PRKAR1B: variants seen among roughly 807,000 people sequenced by gnomAD.
PRKAR1B encodes the protein protein kinase cAMP-dependent type I regulatory subunit beta, also known as cAMP-dependent protein kinase type I-beta regulatory subunit.
Under a neutral mutation model 46.5 loss-of-function variants are expected in PRKAR1B, and 22 were observed. That is an observed-to-expected ratio of 0.47 (90% CI 0.34 to 0.68). The LOEUF (loss-of-function observed/expected upper bound fraction) is 0.68. Ranked by LOEUF, PRKAR1B falls within the 30% of genes least tolerant of loss-of-function variation. The pLI, the probability that PRKAR1B is intolerant of heterozygous loss-of-function variation, is 0.01. For synonymous variants in PRKAR1B, 259 were observed against 217.7 expected (o/e 1.19, Z -1.67); for missense variants, 445 against 535.6 (o/e 0.83, Z 1.67).
chr7:590,189 C>T (rs921417464), intron 7 of PRKAR1B, among the ~76,000 whole-genome samples: 4 of 152,252 alleles, frequency 2.6e-5, no homozygotes, highest in African/African-American at 9.6e-5. Context: ...GTGGCTCCCA[C>T]AGCCCTGAGC....
chr7:638,045 C>T (rs1425614345), intron 4 of PRKAR1B, among the ~76,000 whole-genome samples: 2 of 152,178 alleles, frequency 1.3e-5, no homozygotes, highest in African/African-American at 2.4e-5. Context: ...GCGGAGAAGA[C>T]GCGGGGCAGG....
intron 7 of PRKAR1B, among the ~76,000 whole-genome samples, chr7:590,298 G>C (rs1317578807): frequency 6.6e-6 from 1 of 152,256 alleles, no homozygotes; most frequent in African/African-American, 2.4e-5. Flanking sequence ...CCCAAGGCAC[G>C]CACCGGTGAG....
intron 2 of PRKAR1B, among the ~76,000 whole-genome samples, chr7:707,490 C>T (rs972958617): frequency 4.6e-5 from 7 of 152,152 alleles, no homozygotes; most frequent in Admixed American, 2.6e-4. Flanking sequence ...GCCCTGCCCA[C>T]GCCCAAGAAG....
chr7:696,211 T>C (rs1779730630), intron 2 of PRKAR1B, among the ~76,000 whole-genome samples: 1 of 151,960 alleles, frequency 6.6e-6, no homozygotes, highest in Admixed American at 6.6e-5. Context: ...GATCCTCCTG[T>C]CTTGACCTCC....
intron 4 of PRKAR1B, among the ~76,000 whole-genome samples, chr7:640,293 A>G (rs1184656718): frequency 6.6e-6 from 1 of 152,240 alleles, no homozygotes; most frequent in African/African-American, 2.4e-5. Flanking sequence ...TGTCTGGTAA[A>G]GGACTTGTAT....
chr7:647,491 T>C (rs982689811), intron 4 of PRKAR1B, among the ~76,000 whole-genome samples: 1 of 151,958 alleles, frequency 6.6e-6, no homozygotes, highest in Non-Finnish European at 1.5e-5. Context: ...ACCCATTTGC[T>C]ATCCAAAGAG....
Position 559,683 on chromosome 7 carries a change from G to A in PRKAR1B, c.892-8213C>T, listed in dbSNP as rs150169174. Among the ~76,000 whole-genome samples the A allele has an allele frequency of 2.4e-4, 37 of 152,304 alleles. No individual in the cohort carries two copies. In the East Asian group the frequency reaches 5.2e-3, roughly 21 times the overall value. On this transcript the variant is annotated intron_variant, in intron 9 of 10. Coordinates refer to ENST00000537384, the MANE Select transcript of PRKAR1B (RefSeq NM_001164760.2). ...TGTGCAGGCAGTGAGCCGGAGTCTC[G>A]AGGCTCGCTGTGGAGTCAGGGAGGC...
At chr7:615,964 GAAAC>G (rs1782795769) in intron 4 of PRKAR1B, among the ~76,000 whole-genome samples, 1 of 150,552 alleles carries the variant, frequency 6.6e-6, no homozygotes, top group Non-Finnish European at 1.5e-5. Context: ...AATAAAAAAA[GAAAC>G]AGAAAGAGAG....
chr7:711,467 C>G lies in PRKAR1B; in HGVS notation c.39G>C (p.Glu13Asp), dbSNP rs777626805. The G allele has an allele frequency of 2.5e-6, 4 of 1,614,034 alleles. No individual in the cohort carries two copies. Among genetic ancestry groups the G allele is most frequent in the East Asian group, 2.2e-5 (1 of 44,886 alleles). The change falls in exon 2 of 11, where the codon GAG becomes GAC. Residue 13 changes from glutamate to aspartate, a missense_variant. Around this residue, in one of 5 missense-constraint regions of PRKAR1B, gnomAD observed 155 missense variants for 127.5 expected, o/e 1.22. Coordinates refer to ENST00000537384, the MANE Select transcript of PRKAR1B (RefSeq NM_001164760.2). ...SPPACPSEED[E>D]SLKGCELYVQ... ...CGTACAGCTCACAGCCCTTCAGGCT[C>G]TCGTCCTCCTCCGAGGGGCAGGCGG...
intron 9 of PRKAR1B, chr7:564,991 C>T (rs1779043462): frequency 6.6e-6 from 1 of 152,218 alleles, no homozygotes; most frequent in South Asian, 2.1e-4. Flanking sequence ...TTCACATTCA[C>T]CTGCCTGGCG....
At chr7:589,567 C>T (rs1181080177) in intron 7 of PRKAR1B, among the ~76,000 whole-genome samples, 2 of 152,294 alleles carry the variant, frequency 1.3e-5, no homozygotes, top group African/African-American at 4.8e-5. Flanking sequence ...ATGGAAGAAA[C>T]AGAGGCTCAG....
chr7:674,681 C>T (rs961589989), intron 4 of PRKAR1B, among the ~76,000 whole-genome samples: 2 of 152,092 alleles, frequency 1.3e-5, no homozygotes, highest in African/African-American at 4.8e-5. Flanking sequence ...TCTAGCCACT[C>T]GTCATGCCCA....
intron 9 of PRKAR1B, among the ~76,000 whole-genome samples, chr7:576,804 G>A (rs1779860951): frequency 6.6e-6 from 1 of 152,108 alleles, no homozygotes; most frequent in Non-Finnish European, 1.5e-5. Context: ...GGCGGGAGAG[G>A]CCCTGAATGT....
At chr7:590,997 G>C (rs1780943078) in intron 7 of PRKAR1B, among the ~76,000 whole-genome samples, 1 of 152,200 alleles carries the variant, frequency 6.6e-6, no homozygotes, top group Admixed American at 6.5e-5. Context: ...ATTTCTGCCA[G>C]CCATAAAAAA....
intron 1 of PRKAR1B, among the ~76,000 whole-genome samples, chr7:724,009 A>G (rs1273460088): frequency 6.6e-6 from 1 of 152,192 alleles, no homozygotes; most frequent in Non-Finnish European, 1.5e-5. Flanking sequence ...CAGCAGTCAT[A>G]TTGGATGAGT....
At position 665,394 on chromosome 7, in the gene PRKAR1B, C is replaced by T. The variant is rs868561436; in HGVS notation, c.440+11835G>A. Among the ~76,000 whole-genome samples the T allele has an allele frequency of 2.6e-5, 4 of 152,272 alleles. No homozygotes were observed. The South Asian group carries it at 8.3e-4, about 32-fold the overall frequency. On this transcript the variant is annotated intron_variant, in intron 4 of 10. Coordinates refer to ENST00000537384, the MANE Select transcript of PRKAR1B (RefSeq NM_001164760.2). ...CCCTGCCAAACGGCAGCCTCGGGGG[C>T]CACGGGGGAGCTCTAGAAAGACAAC...
chr7:727,570 T>G, upstream of PRKAR1B: 1 of 219,568 alleles, frequency 4.6e-6, no homozygotes, highest in East Asian at 8.8e-5. Flanking sequence ...GCTGCTCCCT[T>G]GTCCTCTACC....
At chr7:695,900 G>A (rs1002236221) in intron 2 of PRKAR1B, among the ~76,000 whole-genome samples, 4 of 149,890 alleles carry the variant, frequency 2.7e-5, no homozygotes, top group African/African-American at 4.9e-5. Context: ...TCCTGACCTC[G>A]TTATTCACCC....
rs569460780 is a variant in PRKAR1B at position 703,580 on chromosome 7, C to T, written c.177+7749G>A. 2.0e-5 allele frequency among the ~76,000 whole-genome samples: 3 copies of T among 150,844 alleles called. No individual in the cohort carries two copies. The Admixed American group carries it at 2.0e-4, about 10-fold the overall frequency. ...CTGAGGCAGGAGAATGGCACGAACC[C>T]GGGAGGTGGAGCTTGGAGTGAGCCG... On this transcript the variant is annotated intron_variant, in intron 2 of 10. Coordinates refer to ENST00000537384, the MANE Select transcript of PRKAR1B (RefSeq NM_001164760.2).
Sources: gnomAD v4.1 joint callset for allele counts (sites outside exome capture counted in the v4.1 genomes callset) on GRCh38, gnomAD v4.1.1 for gene constraint, gnomAD v4.1.1 regional missense constraint, MANE v1.5 for transcripts, NCBI Gene and HGNC (gene_info 2026-07-23, HGNC 2026-07-21) for gene names.